LYZL4: variants seen among roughly 807,000 people sequenced by gnomAD.
LYZL4 encodes the protein lysozyme-like protein 4.
Under a neutral mutation model 17.6 loss-of-function variants are expected in LYZL4, and 13 were observed. That is an observed-to-expected ratio of 0.74 (90% confidence interval 0.48 to 1.18). The LOEUF (loss-of-function observed/expected upper bound fraction) is 1.18, where lower values mean the gene tolerates loss of function less well. Ranked by LOEUF, LYZL4 falls within the 50% of genes most tolerant of loss-of-function variation. The pLI is 0.00. For synonymous variants in LYZL4, 64 were observed against 67.7 expected, an observed-to-expected ratio of 0.95 and a Z score of 0.27; for missense variants, 174 against 188.2, an observed-to-expected ratio of 0.92 and a Z score of 0.44.
At chr3:42,394,660 C>T (rs1409565983), downstream of LYZL4, among the ~76,000 whole-genome samples, 3 of 152,136 alleles carry the variant, frequency 2.0e-5, no homozygotes, top group African/African-American at 7.2e-5. Context: ...AGGAGATCTG[C>T]CCCCAGAATG....
the LYZL4 span, among the ~76,000 whole-genome samples, chr3:42,388,715 T>C: frequency 2.0e-5 from 3 of 152,252 alleles, no homozygotes; most frequent in African/African-American, 7.2e-5. Flanking sequence ...TTTTAATGAG[T>C]GTCTGCATAG....
chr3:42,392,246 G>A (rs78566732), downstream of LYZL4, among the ~76,000 whole-genome samples: 3,567 of 152,168 alleles, frequency 0.023, 124 homozygotes, highest in African/African-American at 0.079. Context: ...GGGAGCACCC[G>A]CAGTTCATAA....
intron 3 of LYZL4, among the ~76,000 whole-genome samples, chr3:42,405,343 T>C (rs1259500473): frequency 6.6e-6 from 1 of 152,204 alleles, no homozygotes; most frequent in Admixed American, 6.5e-5. Flanking sequence ...CCGCCGCGCC[T>C]GGCCGCTCAT....
chr3:42,377,177 T>A, the LYZL4 span, among the ~76,000 whole-genome samples: 2 of 152,176 alleles, frequency 1.3e-5, no homozygotes, highest in Non-Finnish European at 2.9e-5. Context: ...CCCGAGCATG[T>A]GTCCAGGAGA....
Position 42,406,780 on chromosome 3 carries a change from AG to A in LYZL4, c.292+65del, listed in dbSNP as rs942645972. The stretch of plus-strand genomic sequence containing the variant: ...ACTTTGTAAACTCTGGCCATTTGGA[AG>A]GCAGGCCTCTAACACAGCACCATAG... On this transcript the variant is annotated intron_variant, in intron 3 of 4. Coordinates refer to ENST00000287748, the MANE Select transcript of LYZL4 (RefSeq NM_144634.4). 1.8e-5 allele frequency: 29 copies of A among 1,584,424 alleles called. No individual in the cohort carries two copies. In the African/African-American group the frequency reaches 3.4e-4, roughly 18 times the overall value.
intron 4 of LYZL4, 79 bp downstream of exon 4, chr3:42,403,967 C>A (rs936179368): frequency 9.1e-7 from 1 of 1,096,076 alleles, no homozygotes; most frequent in African/African-American, 1.6e-5. Flanking sequence ...TGCGCAACAG[C>A]CAAGATTTAG....
intron 4 of LYZL4, among the ~76,000 whole-genome samples, chr3:42,397,773 T>C (rs1031467531): frequency 1.3e-5 from 2 of 152,148 alleles, no homozygotes; most frequent in Non-Finnish European, 2.9e-5. Context: ...AGGGCCCCTT[T>C]CACCTTTCCA....
At chr3:42,364,619 A>G in the LYZL4 span, among the ~76,000 whole-genome samples, 18 of 152,124 alleles carry the variant, frequency 1.2e-4, no homozygotes, top group African/African-American at 3.9e-4. Context: ...TGCTGGGATT[A>G]CAGGCATGAG....
the LYZL4 span, among the ~76,000 whole-genome samples, chr3:42,372,782 G>C: frequency 6.6e-6 from 1 of 152,214 alleles, no homozygotes; most frequent in East Asian, 1.9e-4. Context: ...AGTTGCAGCT[G>C]CTGGCAATTG....
the LYZL4 span, among the ~76,000 whole-genome samples, chr3:42,363,836 ATGG>A: frequency 6.6e-6 from 1 of 152,234 alleles, no homozygotes. Context: ...AAGCATTCGT[ATGG>A]TGCCATAGGA....
At chr3:42,380,682 C>A in the LYZL4 span, among the ~76,000 whole-genome samples, 2 of 152,150 alleles carry the variant, frequency 1.3e-5, no homozygotes, top group East Asian at 3.9e-4. Context: ...ATTTTGTGAA[C>A]CACTGATCTA....
At chr3:42,377,300 C>T in the LYZL4 span, among the ~76,000 whole-genome samples, 1 of 152,108 alleles carries the variant, frequency 6.6e-6, no homozygotes, top group African/African-American at 2.4e-5. Flanking sequence ...TGGGGTAGAT[C>T]ATTTTCTGGG....
chr3:42,376,131 T>C, the LYZL4 span, among the ~76,000 whole-genome samples: 6 of 152,168 alleles, frequency 3.9e-5, no homozygotes, highest in African/African-American at 1.4e-4. Flanking sequence ...GAATTAAGGA[T>C]GTCCTGAGAG....
chr3:42,368,000 G>A, the LYZL4 span, among the ~76,000 whole-genome samples: 5 of 152,158 alleles, frequency 3.3e-5, no homozygotes, highest in Non-Finnish European at 7.3e-5. Flanking sequence ...TAAGAGGCAG[G>A]TACTCTTAGC....
intron 2 of LYZL4, 28 bp downstream of exon 2, chr3:42,407,085 G>T (rs1451318288): frequency 8.7e-6 from 14 of 1,613,992 alleles, no homozygotes; most frequent in Non-Finnish European, 1.2e-5. Flanking sequence ...GAGGTGAGAG[G>T]AGGGAGCACT....
chr3:42,377,843 G>T, the LYZL4 span, among the ~76,000 whole-genome samples: 2 of 152,170 alleles, frequency 1.3e-5, no homozygotes, highest in Non-Finnish European at 2.9e-5. Flanking sequence ...TCCAACCAAG[G>T]CTGGAGAAAG....
In LYZL4 at chr3:42,400,621, G is replaced by A. The variant is rs181879778; in HGVS notation, c.372-3287C>T. ...CAATGATTTAATAACAGCTTTGGGG[G>A]CATAATACATTGGTTACAAAATAAA... On this transcript the variant is annotated intron_variant, in intron 4 of 4. Coordinates refer to ENST00000287748, the MANE Select transcript of LYZL4 (RefSeq NM_144634.4). Among the ~76,000 whole-genome samples the A allele has an allele frequency of 7.9e-5, 12 of 152,198 alleles. No homozygotes were observed. The East Asian group carries it at 2.3e-3, about 29-fold the overall frequency.
downstream of LYZL4, among the ~76,000 whole-genome samples, chr3:42,393,434 C>T (rs1235252149): frequency 6.6e-6 from 1 of 152,112 alleles, no homozygotes; most frequent in Non-Finnish European, 1.5e-5. Context: ...TGCTGGGAAG[C>T]AGGCGAAGGG....
At chr3:42,407,542 C>T (rs1321066304) in intron 1 of LYZL4, 199 bp from the exon 2 acceptor site, 1 of 408,018 alleles carries the variant, frequency 2.5e-6, no homozygotes. Flanking sequence ...CCCTCCCAAC[C>T]CCAATTCTTT....
Sources: gnomAD v4.1 joint callset for allele counts (sites outside exome capture counted in the v4.1 genomes callset) on GRCh38, gnomAD v4.1.1 for gene constraint, MANE v1.5 for transcripts, NCBI Gene and HGNC (gene_info 2026-07-23, HGNC 2026-07-21) for gene names.